FHIP1A: variants seen among roughly 807,000 people sequenced by gnomAD.
The protein encoded by FHIP1A is FHF complex subunit HOOK interacting protein 1A.
FHIP1A carries 61 observed loss-of-function variants against 88.6 expected under a neutral mutation model. That is an observed-to-expected ratio of 0.69 (90% CI 0.56 to 0.85). The LOEUF (loss-of-function observed/expected upper bound fraction) is 0.85, where lower values mean the gene tolerates loss of function less well. Among genes scored for constraint, FHIP1A ranks in the 40% least tolerant of loss-of-function variants. The pLI, the probability that FHIP1A is intolerant of heterozygous loss-of-function variation, is 0.00. For synonymous variants in FHIP1A, 478 were observed against 496.0 expected (o/e 0.96, Z 0.48); for missense variants, 1,154 against 1,273.5 (o/e 0.91, Z 1.43).
intron 1 of FHIP1A, among the ~76,000 whole-genome samples, chr4:151,427,727 T>C (rs963799448): frequency 4.6e-5 from 7 of 152,250 alleles, no homozygotes; most frequent in African/African-American, 1.2e-4. Flanking sequence ...CCCAGACTTA[T>C]GGGTAAGCTA....
intron 3 of FHIP1A, among the ~76,000 whole-genome samples, chr4:151,536,527 T>A (rs930988947): frequency 6.6e-6 from 1 of 152,186 alleles, no homozygotes; most frequent in Non-Finnish European, 1.5e-5. Context: ...ATTTTATCGT[T>A]AAAAAATGTT....
intron 7 of FHIP1A, among the ~76,000 whole-genome samples, chr4:151,624,169 A>G (rs779434625): frequency 6.6e-6 from 1 of 152,246 alleles, no homozygotes; most frequent in Non-Finnish European, 1.5e-5. Flanking sequence ...CTGAACACTG[A>G]GAACAAAATG....
intron 13 of FHIP1A, among the ~76,000 whole-genome samples, chr4:151,658,859 G>C (rs143880352): frequency 4.3e-4 from 66 of 152,284 alleles, no homozygotes; most frequent in African/African-American, 1.5e-3. Context: ...CAAAATTAGA[G>C]GTCCAGGGTA....
chr4:151,434,907 A>G (rs1733742772), intron 1 of FHIP1A, among the ~76,000 whole-genome samples: 1 of 152,092 alleles, frequency 6.6e-6, no homozygotes, highest in Non-Finnish European at 1.5e-5. Flanking sequence ...TTTTCACACT[A>G]TGCAAGGAAA....
intron 3 of FHIP1A, among the ~76,000 whole-genome samples, chr4:151,483,883 A>G (rs1729986543): frequency 6.6e-6 from 1 of 152,182 alleles, no homozygotes; most frequent in Non-Finnish European, 1.5e-5. Flanking sequence ...TTCTGTTTCT[A>G]ATTAAGGTAT....
chr4:151,495,279 G>T (rs1730418880), intron 3 of FHIP1A, among the ~76,000 whole-genome samples: 1 of 152,174 alleles, frequency 6.6e-6, no homozygotes. Context: ...AAGGCGGGCA[G>T]TTCATCTGAG....
chr4:151,460,951 C>G (rs1454711554), intron 2 of FHIP1A, among the ~76,000 whole-genome samples: 1 of 152,138 alleles, frequency 6.6e-6, no homozygotes, highest in African/African-American at 2.4e-5. Context: ...GTTTATTTGA[C>G]TGGTATAAAT....
chr4:151,645,704 C>T (rs1221789101), intron 9 of FHIP1A, among the ~76,000 whole-genome samples: 1 of 151,482 alleles, frequency 6.6e-6, no homozygotes, highest in Non-Finnish European at 1.5e-5. Context: ...ATCCCATTTG[C>T]TCCATTTTTG....
chr4:151,609,400 C>T (rs139639453), intron 7 of FHIP1A, among the ~76,000 whole-genome samples: 1 of 152,086 alleles, frequency 6.6e-6, no homozygotes, highest in African/African-American at 2.4e-5. Context: ...ACATTTAGAT[C>T]TATATACAAA....
chr4:151,527,363 A>G (rs1450842984), intron 3 of FHIP1A, among the ~76,000 whole-genome samples: 1 of 152,220 alleles, frequency 6.6e-6, no homozygotes, highest in African/African-American at 2.4e-5. Context: ...CTCCACCAAA[A>G]AAATATGAAA....
chr4:151,588,948 T>G, intron 7 of FHIP1A, 22 bp downstream of exon 7: 2 of 1,429,282 alleles, frequency 1.4e-6, no homozygotes, highest in Non-Finnish European at 1.9e-6. Context: ...GCTCATGTAA[T>G]CTTCTGTCTC....
At position 151,666,938 on chromosome 4, in the gene FHIP1A, G is replaced by T. The variant is rs141387853; in HGVS notation, c.*4184G>T. 1.3e-5 allele frequency among the ~76,000 whole-genome samples: 2 copies of T among 152,198 alleles called. No homozygotes were observed. The highest frequency in any genetic ancestry group is 2.9e-5 in the Non-Finnish European group (2 of 68,052). On this transcript the variant is annotated 3_prime_UTR_variant, in exon 14 of 14. Transcript: ENST00000435205. ...GCCCTTAATTTTAAATGGTCCCGGCGTGGTGTTCAGTATCTGCATATGCCC... is the reference window on the plus strand; with the variant it reads ...GCCCTTAATTTTAAATGGTCCCGGCTTGGTGTTCAGTATCTGCATATGCCC...
At chr4:151,634,341 G>A (rs1736269413) in intron 8 of FHIP1A, among the ~76,000 whole-genome samples, 1 of 151,650 alleles carries the variant, frequency 6.6e-6, no homozygotes, top group African/African-American at 2.4e-5. Flanking sequence ...TTACTCAAAA[G>A]CAATCTACAG....
At chr4:151,642,302 G>C (rs965533265) in intron 9 of FHIP1A, among the ~76,000 whole-genome samples, 5 of 152,164 alleles carry the variant, frequency 3.3e-5, no homozygotes, top group Non-Finnish European at 5.9e-5. Context: ...TCTTTTTAGA[G>C]AGTTTTTTTC....
intron 7 of FHIP1A, among the ~76,000 whole-genome samples, chr4:151,610,686 A>G (rs1352664233): frequency 1.3e-5 from 2 of 152,070 alleles, no homozygotes; most frequent in African/African-American, 4.8e-5. Flanking sequence ...TGCCAACTAT[A>G]TTTAGCATCT....
chr4:151,467,166 A>C (rs1235165517), intron 2 of FHIP1A, among the ~76,000 whole-genome samples: 2 of 152,244 alleles, frequency 1.3e-5, no homozygotes, highest in African/African-American at 4.8e-5. Context: ...TGGGCAAAGG[A>C]TATGAACAGA....
intron 2 of FHIP1A, among the ~76,000 whole-genome samples, chr4:151,469,493 G>A (rs1422054701): frequency 5.9e-5 from 9 of 152,148 alleles, no homozygotes; most frequent in Non-Finnish European, 1.2e-4. Context: ...AGGCTTACAG[G>A]TGATGACATC....
intron 1 of FHIP1A, among the ~76,000 whole-genome samples, chr4:151,432,993 G>A (rs1200835255): frequency 6.6e-6 from 1 of 152,042 alleles, no homozygotes; most frequent in Non-Finnish European, 1.5e-5. Flanking sequence ...GGTATTGTAT[G>A]GTTGTATTAC....
At chr4:151,475,353 A>T (rs1299963340) in intron 2 of FHIP1A, among the ~76,000 whole-genome samples, 1 of 152,192 alleles carries the variant, frequency 6.6e-6, no homozygotes, top group Non-Finnish European at 1.5e-5. Flanking sequence ...ATATGAGATG[A>T]TGACAATTGC....
Sources: allele counts gnomAD v4.1 joint callset (sites outside exome capture counted in the v4.1 genomes callset), GRCh38; gene constraint gnomAD v4.1.1; transcripts MANE v1.5; gene names NCBI Gene and HGNC (gene_info 2026-07-23, HGNC 2026-07-21).